The following ANXA4 variants were observed in gnomAD, a reference collection of about 807,000 sequenced individuals.
The protein encoded by ANXA4 is 35-beta calcimedin.
A neutral mutation model predicts 49.8 loss-of-function variants in ANXA4; 39 were observed. The observed-to-expected ratio is 0.78, with a 90% confidence interval of 0.61 to 1.02. The LOEUF (loss-of-function observed/expected upper bound fraction) is 1.02. Ranked by LOEUF, ANXA4 falls within the 50% of genes least tolerant of loss-of-function variation. The pLI is 0.00. For missense variants in ANXA4, 360 were observed against 410.1 expected (o/e 0.88, Z 1.05); for synonymous variants, 134 against 152.5 (o/e 0.88, Z 0.89).
intron 8 of ANXA4, among the ~76,000 whole-genome samples, chr2:69,814,335 T>A (rs891077252): frequency 5.5e-5 from 7 of 126,714 alleles, no homozygotes; most frequent in African/African-American, 2.0e-4. Flanking sequence ...CTAACCTGTA[T>A]TTTATTCTTT....
At chr2:69,773,986 C>T (rs887560594) in intron 1 of ANXA4, among the ~76,000 whole-genome samples, 1 of 151,996 alleles carries the variant, frequency 6.6e-6, no homozygotes, top group Non-Finnish European at 1.5e-5. Flanking sequence ...GCATGCCAGG[C>T]TAATTTTGCT....
rs956613613 is a variant in ANXA4 at position 69,822,993 on chromosome 2, A to G, written c.906+2172A>G. Among the ~76,000 whole-genome samples, 17 of 151,468 alleles carry G rather than the reference A, an allele frequency of 1.1e-4. No individual in the cohort carries two copies. In the Middle Eastern group the frequency reaches 0.014, roughly 127 times the overall value. On this transcript the variant is annotated intron_variant, in intron 12 of 12. Transcript: ENST00000394295. ...GAAATGTGAAAAGAATAGATGAAGT[A>G]TAATACTTCATCATAGCATTATTTA...
intron 1 of ANXA4, among the ~76,000 whole-genome samples, chr2:69,777,623 A>C (rs1322667315): frequency 6.6e-6 from 1 of 152,146 alleles, no homozygotes; most frequent in South Asian, 2.1e-4. Flanking sequence ...TCTTCATCTC[A>C]TGCCACTCTT....
At chr2:69,802,697 AAG>A (rs1383619962) in intron 3 of ANXA4, among the ~76,000 whole-genome samples, 1 of 138,766 alleles carries the variant, frequency 7.2e-6, no homozygotes, top group Non-Finnish European at 1.5e-5. Context: ...GCCACAGAGC[AAG>A]ACTCTGTCTC....
chr2:69,685,783 G>T (rs2105364696), intron 2 of ANXA4, among the ~76,000 whole-genome samples: 1 of 152,292 alleles, frequency 6.6e-6, no homozygotes, highest in South Asian at 2.1e-4. Context: ...AAAAAACTAA[G>T]ATTTTAGGCT....
At chr2:69,726,962 A>C (rs1669977696) in intron 3 of ANXA4, among the ~76,000 whole-genome samples, 1 of 152,146 alleles carries the variant, frequency 6.6e-6, no homozygotes, top group Non-Finnish European at 1.5e-5. Context: ...GGCTCACTGC[A>C]GCCTAGAACT....
intron 1 of ANXA4, among the ~76,000 whole-genome samples, chr2:69,766,620 C>A (rs1248800537): frequency 6.6e-6 from 1 of 152,196 alleles, no homozygotes. Context: ...AAATTAGCAA[C>A]TAGGCCAGGA....
At chr2:69,789,543 A>G (rs1347431729) in intron 3 of ANXA4, among the ~76,000 whole-genome samples, 1 of 152,144 alleles carries the variant, frequency 6.6e-6, no homozygotes, top group Non-Finnish European at 1.5e-5. Context: ...ACACACACAC[A>G]GTGAGTTTGG....
chr2:69,669,775 A>C (rs1390157004), intron 2 of ANXA4, among the ~76,000 whole-genome samples: 1 of 151,992 alleles, frequency 6.6e-6, no homozygotes, highest in Non-Finnish European at 1.5e-5. Flanking sequence ...TTTCCCACTG[A>C]CTCTGTTGCC....
intron 2 of ANXA4, among the ~76,000 whole-genome samples, chr2:69,654,259 A>G (rs1676355941): frequency 6.6e-6 from 1 of 152,170 alleles, no homozygotes; most frequent in Non-Finnish European, 1.5e-5. Context: ...CTCTCTTTCT[A>G]TTTGAATACT....
Position 69,818,661 on chromosome 2 carries a change from T to G in ANXA4, c.691T>G (p.Ser231Ala). ...TGAACAGAGTATTAAATCTGAAACA[T>G]CTGGTAGCTTTGAAGATGCTCTGCT... ...DIEQSIKSET[S>A]GSFEDALLAI... Residue 231 changes from serine (S) to alanine (A), a missense_variant, in exon 10 of 13, where the codon TCT (serine) becomes GCT (alanine). Physicochemically the swap from Ser to Ala is moderately conservative, Grantham distance 99. Coordinates refer to ENST00000394295, the MANE Select transcript of ANXA4 (RefSeq NM_001153.5). 6.2e-7 allele frequency: 1 copy of G among 1,610,168 alleles called. No individual in the cohort carries two copies. The highest frequency in any genetic ancestry group is 8.5e-7 in the Non-Finnish European group (1 of 1,177,816).
intron 1 of ANXA4, among the ~76,000 whole-genome samples, chr2:69,779,806 A>G (rs1672122126): frequency 6.6e-6 from 1 of 152,174 alleles, no homozygotes; most frequent in Admixed American, 6.5e-5. Flanking sequence ...CTTCCCTGGA[A>G]TGAGCCCTCT....
upstream of ANXA4, among the ~76,000 whole-genome samples, chr2:69,739,600 G>A (rs1163811628): frequency 1.3e-5 from 2 of 151,148 alleles, no homozygotes; most frequent in East Asian, 3.9e-4. Flanking sequence ...AAGAGACACG[G>A]TGGGTGGGAG....
In ANXA4 at chr2:69,681,366, A is replaced by ATTT. The variant is rs35246948; in HGVS notation, n.766+28098_766+28100dup. On this transcript the variant is annotated intron_variant and non_coding_transcript_variant, in intron 2 of 3. Coordinates refer to the ANXA4 transcript ENST00000418066. The stretch of plus-strand genomic sequence containing the variant: ...TACAATGTCTCCTTTTTCATTTCTG[A>ATTT]TTTTTTTTTTTTTTTTGAAACAAGG... Among the ~76,000 whole-genome samples the ATTT allele has an allele frequency of 5.2e-3, 730 of 139,232 alleles. 12 individuals carry two copies. The highest frequency in any genetic ancestry group is 0.017 in the African/African-American group (664 of 38,038). The allele number at this position is 139,232 out of a possible 152,430, so 91.3% of individuals were successfully genotyped here.
chr2:69,797,310 C>T (rs1342713633), intron 3 of ANXA4, among the ~76,000 whole-genome samples: 1 of 152,140 alleles, frequency 6.6e-6, no homozygotes, highest in Non-Finnish European at 1.5e-5. Flanking sequence ...CGGGTCCCAG[C>T]ACCATAGTTG....
At chr2:69,810,805 C>T (rs913992320) in intron 7 of ANXA4, 132 bp downstream of exon 7, 5 of 693,148 alleles carry the variant, frequency 7.2e-6, no homozygotes, top group Non-Finnish European at 5.1e-6. Flanking sequence ...CCCCTCTGTT[C>T]CTTTATCTTA....
intron 1 of ANXA4, among the ~76,000 whole-genome samples, chr2:69,763,271 G>A (rs779488465): frequency 2.6e-5 from 4 of 152,110 alleles, no homozygotes; most frequent in Non-Finnish European, 5.9e-5. Context: ...TTCGGGGCGC[G>A]GGAGGCCCCA....
chr2:69,660,858 A>G (rs1332875350), intron 2 of ANXA4, among the ~76,000 whole-genome samples: 2 of 152,088 alleles, frequency 1.3e-5, no homozygotes, highest in African/African-American at 2.4e-5. Flanking sequence ...GAAGGGAGAG[A>G]TAAGAGAGAT....
At chr2:69,648,136 C>T (rs1026368177) in intron 1 of ANXA4, among the ~76,000 whole-genome samples, 1 of 152,166 alleles carries the variant, frequency 6.6e-6, no homozygotes, top group African/African-American at 2.4e-5. Flanking sequence ...GAGTCAAGCA[C>T]TATGTTGGGT....
Sources: gnomAD v4.1 joint callset for allele counts (sites outside exome capture counted in the v4.1 genomes callset) on GRCh38, gnomAD v4.1.1 for gene constraint, MANE v1.5 for transcripts, NCBI Gene and HGNC (gene_info 2026-07-23, HGNC 2026-07-21) for gene names.